Variants in PRIM2 observed in about 807,000 individuals in gnomAD.
PRIM2 encodes the protein DNA primase subunit 2, also known as DNA primase large subunit.
PRIM2 carries 39 observed loss-of-function variants against 67.3 expected under a neutral mutation model. That is an observed-to-expected ratio of 0.58 (90% CI 0.45 to 0.76). The LOEUF (loss-of-function observed/expected upper bound fraction) is 0.76, where lower values mean the gene tolerates loss of function less well. PRIM2 is among the 30% of genes least tolerant of loss of function. The pLI, the probability that PRIM2 is intolerant of heterozygous loss-of-function variation, is 0.00. For missense variants in PRIM2, 398 were observed against 598.7 expected, an observed-to-expected ratio of 0.66 and a Z score of 3.50; for synonymous variants, 143 against 198.7, an observed-to-expected ratio of 0.72 and a Z score of 2.36.
At chr6:57,239,096 T>C in the PRIM2 span, among the ~76,000 whole-genome samples, 1 of 152,198 alleles carries the variant, frequency 6.6e-6, no homozygotes, top group African/African-American at 2.4e-5. Context: ...GTTCAAGCGA[T>C]TCTCCTGCCT....
chr6:57,600,249 G>A (rs1411296102), intron 10 of PRIM2, among the ~76,000 whole-genome samples: 73 of 152,140 alleles, frequency 4.8e-4, no homozygotes, highest in African/African-American at 1.7e-3. Context: ...GAACATGGAG[G>A]CAAGGATTCT....
chr6:57,393,277 G>A (rs981773994), intron 7 of PRIM2, among the ~76,000 whole-genome samples: 9 of 152,134 alleles, frequency 5.9e-5, no homozygotes, highest in African/African-American at 2.2e-4. Flanking sequence ...CCCATCAGCA[G>A]TGTAGAAATG....
chr6:57,458,162 G>A (rs1444788786), intron 7 of PRIM2, among the ~76,000 whole-genome samples: 4 of 152,082 alleles, frequency 2.6e-5, no homozygotes, highest in African/African-American at 9.7e-5. Context: ...TGCTACTTGT[G>A]CATCGTGGGT....
intron 10 of PRIM2, among the ~76,000 whole-genome samples, chr6:57,564,445 C>A (rs1219596449): frequency 1.3e-5 from 2 of 152,036 alleles, no homozygotes; most frequent in African/African-American, 4.8e-5. Flanking sequence ...GTATTGTCTC[C>A]CTTTGGCTAT....
chr6:57,610,359 C>T (rs1776645848), intron 12 of PRIM2, among the ~76,000 whole-genome samples: 2 of 152,298 alleles, frequency 1.3e-5, no homozygotes, highest in Admixed American at 6.5e-5. Flanking sequence ...TGACCCACCA[C>T]GCCTGGCCAA....
At chr6:57,414,432 A>G (rs1442577196) in intron 7 of PRIM2, among the ~76,000 whole-genome samples, 1 of 152,184 alleles carries the variant, frequency 6.6e-6, no homozygotes, top group African/African-American at 2.4e-5. Flanking sequence ...ATAAATATTA[A>G]GTATAAAATA....
chr6:57,563,614 C>A (rs1775681288), intron 10 of PRIM2, among the ~76,000 whole-genome samples: 2 of 152,148 alleles, frequency 1.3e-5, no homozygotes, highest in African/African-American at 4.8e-5. Flanking sequence ...TTTGCAAACA[C>A]TTTATCTGAC....
intron 7 of PRIM2, among the ~76,000 whole-genome samples, chr6:57,420,070 A>G (rs1441518063): frequency 2.0e-5 from 3 of 152,144 alleles, no homozygotes; most frequent in African/African-American, 7.2e-5. Flanking sequence ...GGTGGTTGCT[A>G]GATTGATTTC....
chr6:57,294,200 C>A, the PRIM2 span, among the ~76,000 whole-genome samples: 3 of 152,214 alleles, frequency 2.0e-5, no homozygotes, highest in African/African-American at 2.4e-5. Context: ...TTTATATAGG[C>A]CAGGCGTGGT....
intron 7 of PRIM2, among the ~76,000 whole-genome samples, chr6:57,489,418 G>A (rs1475956459): frequency 5.9e-5 from 9 of 152,288 alleles, no homozygotes; most frequent in East Asian, 1.9e-4. Context: ...TAAGCTGGGC[G>A]TGGTGGTGGG....
chr6:57,437,518 A>C (rs1772049553), intron 7 of PRIM2, among the ~76,000 whole-genome samples: 1 of 152,200 alleles, frequency 6.6e-6, no homozygotes, highest in Non-Finnish European at 1.5e-5. Context: ...CAGAGGTAAA[A>C]TCATAGAGTG....
chr6:57,518,874 T>TA (rs1554348552), intron 8 of PRIM2, among the ~76,000 whole-genome samples: 1 of 152,218 alleles, frequency 6.6e-6, no homozygotes, highest in East Asian at 1.9e-4. Flanking sequence ...CTCTTTTTCT[T>TA]ACCAATGACT....
the PRIM2 span, among the ~76,000 whole-genome samples, chr6:57,245,346 G>A: frequency 2.0e-5 from 3 of 150,788 alleles, no homozygotes; most frequent in African/African-American, 7.3e-5. Flanking sequence ...CTGAGTGCAA[G>A]GCTGTGCATG....
At chr6:57,394,375 G>T (rs1770452361) in intron 7 of PRIM2, among the ~76,000 whole-genome samples, 1 of 151,880 alleles carries the variant, frequency 6.6e-6, no homozygotes, top group South Asian at 2.1e-4. Flanking sequence ...GAGGTCTTTT[G>T]ACTCCTTGGT....
the PRIM2 span, among the ~76,000 whole-genome samples, chr6:57,282,467 T>C: frequency 6.6e-6 from 1 of 152,200 alleles, no homozygotes; most frequent in Admixed American, 6.6e-5. Context: ...AAAAAGCTAA[T>C]ACTGAAACAG....
chr6:57,433,521 T>A (rs1581899759), intron 7 of PRIM2, among the ~76,000 whole-genome samples: 1 of 151,936 alleles, frequency 6.6e-6, no homozygotes, highest in Admixed American at 6.6e-5. Context: ...GCAGAGCACA[T>A]ATTTTGTCCA....
chr6:57,642,433 A>ATTTT (rs1777256008), intron 13 of PRIM2, among the ~76,000 whole-genome samples: 1 of 107,060 alleles, frequency 9.3e-6, no homozygotes, highest in Non-Finnish European at 1.8e-5. Context: ...TAAATATTAT[A>ATTTT]TCTTTTTTTT....
In PRIM2 at chr6:57,540,277, TCA is replaced by T. The variant is rs1329010600; in HGVS notation, c.1020+2665_1020+2666del. On this transcript the variant is annotated intron_variant, in intron 10 of 13. Transcript: ENST00000615550. ...CACATGCACACAGACATACACACAC[TCA>T]CACACACACACAGCGAGAGAGAGAG... 2.8e-3 allele frequency among the ~76,000 whole-genome samples: 429 copies of T among 150,776 alleles called. 2 individuals carry two copies. Among genetic ancestry groups the T allele is most frequent in the African/African-American group, 9.7e-3 (399 of 41,222 alleles).
At chr6:57,579,922 T>C (rs1776050394) in intron 10 of PRIM2, among the ~76,000 whole-genome samples, 1 of 152,134 alleles carries the variant, frequency 6.6e-6, no homozygotes, top group East Asian at 1.9e-4. Context: ...TTATATGTGA[T>C]AAAAGGTATA....
Sources: gnomAD v4.1 joint callset for allele counts (sites outside exome capture counted in the v4.1 genomes callset) on GRCh38, gnomAD v4.1.1 for gene constraint, MANE v1.5 for transcripts, NCBI Gene and HGNC (gene_info 2026-07-23, HGNC 2026-07-21) for gene names.